The following RIC1 variants were observed in gnomAD, a reference collection of about 807,000 sequenced individuals.
RIC1 encodes the protein guanine nucleotide exchange factor subunit RIC1.
Under a neutral mutation model 169.0 loss-of-function variants are expected in RIC1, and 88 were observed. That is an observed-to-expected ratio of 0.52 (90% CI 0.44 to 0.62). The LOEUF is 0.62. Among genes scored for constraint, RIC1 ranks in the 20% least tolerant of loss-of-function variants. The probability of loss-of-function intolerance (pLI) is 0.00; values close to 1 mark genes in which losing one functional copy is unlikely to be tolerated. For synonymous variants in RIC1, 790 were observed against 601.5 expected (o/e 1.31, Z -4.59); for missense variants, 1,877 against 1,725.5 (o/e 1.09, Z -1.56).
rs540540186 is a variant in RIC1 at position 5,761,162 on chromosome 9, A to G, written c.1993-1379A>G. Among the ~76,000 whole-genome samples the G allele has an allele frequency of 5.8e-5, 7 of 121,574 alleles. No individual in the cohort carries two copies. In the South Asian group the frequency reaches 7.8e-4, roughly 14 times the overall value. The allele number at this position is 121,574 out of a possible 152,430, so 79.8% of individuals were successfully genotyped here. ...GGAGTCTTGCTCTGTCACCCAGGCT[A>G]GAGTGCAATGGTGCAATCTTGGCTC... On this transcript the variant is annotated intron_variant, in intron 17 of 25. Coordinates refer to ENST00000414202, the MANE Select transcript of RIC1 (RefSeq NM_020829.4).
At position 5,722,360 on chromosome 9, in the gene RIC1, T is replaced by A. The variant is rs1345728151; in HGVS notation, c.720+1610T>A. On this transcript the variant is annotated intron_variant, in intron 6 of 25. Transcript: ENST00000414202. Reference sequence around the variant, plus strand: ...ATAAGAGAGAGAGAGTGTGTGTGTGTGTGTGTGTGTGTGTGTGTGTGTACC... The same window carrying A: ...ATAAGAGAGAGAGAGTGTGTGTGTGAGTGTGTGTGTGTGTGTGTGTGTACC... Among the ~76,000 whole-genome samples the A allele has an allele frequency of 3.7e-3, 538 of 146,634 alleles. 3 individuals are homozygous for A. The highest frequency in any genetic ancestry group is 0.013 in the African/African-American group (493 of 37,460).
At chr9:5,706,032 C>G (rs879590812) in intron 3 of RIC1, among the ~76,000 whole-genome samples, 5 of 152,158 alleles carry the variant, frequency 3.3e-5, no homozygotes. Context: ...TAATATGCTA[C>G]TGGATCCAGT....
At chr9:5,633,700 C>T (rs780968025) in intron 1 of RIC1, among the ~76,000 whole-genome samples, 1 of 152,190 alleles carries the variant, frequency 6.6e-6, no homozygotes, top group African/African-American at 2.4e-5. Context: ...TCCACCATCT[C>T]ACACAGCTCC....
In RIC1 at chr9:5,747,451, A is replaced by C; in HGVS notation, c.1398A>C (p.Leu466Phe). ...REKSPFADGG[L>F]ESQGLSTLLG... ...AGAGCCCATTTGCAGATGGAGGTTT[A>C]GAGTCTCAGGGATTAAGCACTTTAC... is the stretch of plus-strand genomic sequence containing the variant. The change falls in exon 12 of 26, where the codon TTA becomes TTC. Residue 466 changes from leucine (L) to phenylalanine (F), a missense_variant. Leu to Phe is a conservative substitution (Grantham distance 22). This residue lies in a region of RIC1 where 1,104 missense variants were observed against 992.0 expected (regional missense o/e 1.11). Transcript: ENST00000414202. 6.2e-7 allele frequency: 1 copy of C among 1,614,112 alleles called. No individual in the cohort carries two copies.
chr9:5,724,940 G>A (rs2130887852), intron 6 of RIC1, among the ~76,000 whole-genome samples: 1 of 152,278 alleles, frequency 6.6e-6, no homozygotes, highest in African/African-American at 2.4e-5. Flanking sequence ...TTTTTGATGT[G>A]CTGCTGGATT....
intron 7 of RIC1, among the ~76,000 whole-genome samples, chr9:5,734,975 A>G (rs1293642129): frequency 1.3e-5 from 2 of 152,144 alleles, no homozygotes; most frequent in Admixed American, 6.6e-5. Flanking sequence ...CTAATACCCA[A>G]TTTATATGCA....
intron 2 of RIC1, among the ~76,000 whole-genome samples, chr9:5,685,401 C>T (rs1005554689): frequency 6.6e-6 from 1 of 151,566 alleles, no homozygotes; most frequent in Non-Finnish European, 1.5e-5. Context: ...GTAACCAAAA[C>T]AGCATGGTAC....
intron 7 of RIC1, among the ~76,000 whole-genome samples, chr9:5,736,915 A>C (rs1443453765): frequency 6.6e-6 from 1 of 152,060 alleles, no homozygotes; most frequent in East Asian, 1.9e-4. Flanking sequence ...AATCCTTGAG[A>C]AGAGGTAGGA....
chr9:5,697,411 G>C (rs1821968524), intron 3 of RIC1, among the ~76,000 whole-genome samples: 1 of 152,078 alleles, frequency 6.6e-6, no homozygotes, highest in South Asian at 2.1e-4. Flanking sequence ...ATTTTGTCCA[G>C]TTCTCTTGTT....
intron 14 of RIC1, 132 bp downstream of exon 14, chr9:5,753,778 T>G: frequency 4.3e-6 from 2 of 468,728 alleles, no homozygotes; most frequent in Non-Finnish European, 7.5e-6. Context: ...TATAAAAAAG[T>G]GATATTGAAT....
intron 2 of RIC1, among the ~76,000 whole-genome samples, chr9:5,662,507 A>G (rs549361728): frequency 6.6e-6 from 1 of 151,556 alleles, no homozygotes; most frequent in South Asian, 2.1e-4. Flanking sequence ...TTACTTCTCA[A>G]TTTCAGGACT....
chr9:5,733,882 A>T (rs908870866), intron 7 of RIC1, among the ~76,000 whole-genome samples: 1 of 151,728 alleles, frequency 6.6e-6, no homozygotes, highest in African/African-American at 2.4e-5. Context: ...AAGTTATGAG[A>T]ATCCCTCCCT....
intron 2 of RIC1, among the ~76,000 whole-genome samples, chr9:5,664,470 T>A (rs1819636644): frequency 6.6e-6 from 1 of 152,138 alleles, no homozygotes; most frequent in Non-Finnish European, 1.5e-5. Flanking sequence ...GGGTTTTCAC[T>A]GAGAGGTCTA....
rs1281739656 is a variant in RIC1, at chr9:5,774,321, A to G, written c.*75A>G. ...GCTCAGTACGTTGTAACATAGTTGG[A>G]TGATTTAACAGGAGAACTCAGTTCA... is the stretch of plus-strand genomic sequence containing the variant. On this transcript the variant is annotated 3_prime_UTR_variant, in exon 26 of 26. Transcript: ENST00000414202. 11 of 1,289,204 alleles carry G rather than the reference A, an allele frequency of 8.5e-6. No individual in the cohort carries two copies. The highest frequency in any genetic ancestry group is 1.1e-5 in the Non-Finnish European group (10 of 942,014). The allele number at this position is 1,289,204 out of a possible 1,614,324, so 79.9% of individuals were successfully genotyped here.
At chr9:5,710,563 C>G (rs1455540534) in intron 3 of RIC1, among the ~76,000 whole-genome samples, 2 of 152,172 alleles carry the variant, frequency 1.3e-5, no homozygotes, top group Non-Finnish European at 2.9e-5. Flanking sequence ...CACGTAGTCA[C>G]CTTTTTATTG....
chr9:5,743,948 C>A (rs1481016735), intron 10 of RIC1, among the ~76,000 whole-genome samples: 1 of 152,074 alleles, frequency 6.6e-6, no homozygotes, highest in African/African-American at 2.4e-5. Context: ...CTAGGCACAC[C>A]ACTATCCACA....
chr9:5,691,441 C>T (rs750636778), intron 3 of RIC1, among the ~76,000 whole-genome samples: 4 of 151,938 alleles, frequency 2.6e-5, no homozygotes, highest in East Asian at 3.9e-4. Context: ...CTGAGGTATT[C>T]GGTTTTGGAA....
intron 4 of RIC1, among the ~76,000 whole-genome samples, chr9:5,717,903 G>C (rs1202694108): frequency 6.6e-6 from 1 of 151,370 alleles, no homozygotes; most frequent in Non-Finnish European, 1.5e-5. Context: ...CACTTTGGAG[G>C]CCAAGGTGGG....
chr9:5,771,084 A>G (rs1394350685), intron 23 of RIC1, among the ~76,000 whole-genome samples: 2 of 152,216 alleles, frequency 1.3e-5, no homozygotes, highest in Admixed American at 6.5e-5. Flanking sequence ...AGAATACACA[A>G]TTTAACAGCT....
Sources: gnomAD v4.1 joint callset for allele counts (sites outside exome capture counted in the v4.1 genomes callset) on GRCh38, gnomAD v4.1.1 for gene constraint, gnomAD v4.1.1 regional missense constraint, MANE v1.5 for transcripts, NCBI Gene and HGNC (gene_info 2026-07-23, HGNC 2026-07-21) for gene names.